Variants in DLG2 observed in about 807,000 individuals in gnomAD.
DLG2 encodes the protein disks large homolog 2.
DLG2 carries 45 observed loss-of-function variants against 132.5 expected under a neutral mutation model. The observed-to-expected ratio is 0.34, with a 90% CI of 0.27 to 0.44. DLG2 has a LOEUF of 0.44. Among genes scored for constraint, DLG2 ranks in the 20% least tolerant of loss-of-function variants. The pLI, the probability that DLG2 is intolerant of heterozygous loss-of-function variation, is 1.00. For synonymous variants in DLG2, 424 were observed against 419.6 expected, an observed-to-expected ratio of 1.01 and a Z score of -0.13; for missense variants, 1,045 against 1,196.9, an observed-to-expected ratio of 0.87 and a Z score of 1.87.
chr11:83,968,208 G>A lies in DLG2; in HGVS notation c.1057-2740C>T, dbSNP rs116225063. On this transcript the variant is annotated intron_variant, in intron 12 of 27. Transcript: ENST00000376104. ...ACCATACTTTGCAGCACTACTATTC[G>A]TAATCTTTATTATTTTGCTCCATGT... 8.2e-3 allele frequency among the ~76,000 whole-genome samples: 1,254 copies of A among 152,106 alleles called. 16 individuals are homozygous for A. Among genetic ancestry groups the A allele is most frequent in the African/African-American group, 0.029 (1,189 of 41,494 alleles).
chr11:83,471,787 T>C, intron 23 of DLG2, 60 bp from the exon 24 acceptor site: 1 of 1,381,988 alleles, frequency 7.2e-7, no homozygotes, highest in Non-Finnish European at 1.0e-6. Context: ...ACTGCAAAAC[T>C]GTCCTGCAAG....
intron 8 of DLG2, among the ~76,000 whole-genome samples, chr11:84,207,479 T>C (rs1189768315): frequency 6.6e-6 from 1 of 152,080 alleles, no homozygotes; most frequent in Non-Finnish European, 1.5e-5. Context: ...AGTCCAGATA[T>C]AGTACCATAA....
chr11:85,397,503 G>A (rs1453562126), intron 3 of DLG2, among the ~76,000 whole-genome samples: 2 of 152,130 alleles, frequency 1.3e-5, no homozygotes, highest in Admixed American at 6.6e-5. Flanking sequence ...AAAGAATCAA[G>A]CACCATTGGT....
At chr11:85,015,061 C>T (rs1415568677) in intron 6 of DLG2, among the ~76,000 whole-genome samples, 1 of 152,152 alleles carries the variant, frequency 6.6e-6, no homozygotes, top group Admixed American at 6.5e-5. Context: ...ATAATGGTGT[C>T]TCTTGTGTTC....
intron 7 of DLG2, among the ~76,000 whole-genome samples, chr11:84,432,932 G>A (rs1343128254): frequency 6.6e-6 from 1 of 152,132 alleles, no homozygotes; most frequent in Non-Finnish European, 1.5e-5. Context: ...GCTGAGACAC[G>A]AGAATTGCTT....
intron 18 of DLG2, chr11:83,647,356 CGTCCAT>C (rs2068543841): frequency 6.6e-6 from 1 of 152,088 alleles, no homozygotes; most frequent in Non-Finnish European, 1.5e-5. Context: ...CCCCCACCAT[CGTCCAT>C]GTCTGATGCC....
At chr11:84,163,644 A>G in intron 8 of DLG2, 133 bp from the exon 9 acceptor site, 2 of 701,582 alleles carry the variant, frequency 2.9e-6, no homozygotes, top group Non-Finnish European at 4.7e-6. Context: ...GATATTTCTG[A>G]TTGTGCATTT....
chr11:84,268,384 T>C (rs1279448298), intron 7 of DLG2, among the ~76,000 whole-genome samples: 1 of 152,140 alleles, frequency 6.6e-6, no homozygotes, highest in African/African-American at 2.4e-5. Context: ...TAACGCTCTC[T>C]GAGGTTGGAA....
At chr11:83,794,139 T>A (rs2042210938) in intron 17 of DLG2, among the ~76,000 whole-genome samples, 1 of 152,336 alleles carries the variant, frequency 6.6e-6, no homozygotes, top group East Asian at 1.9e-4. Flanking sequence ...ATCTTGTTCA[T>A]TTTAGGCCCA....
At chr11:85,060,944 A>G (rs530860121) in intron 6 of DLG2, among the ~76,000 whole-genome samples, 1 of 151,268 alleles carries the variant, frequency 6.6e-6, no homozygotes, top group South Asian at 2.1e-4. Context: ...ACAAGTGTGA[A>G]GTGATATCTC....
intron 14 of DLG2, among the ~76,000 whole-genome samples, chr11:83,954,396 A>G (rs1290293851): frequency 6.6e-6 from 1 of 152,160 alleles, no homozygotes; most frequent in Non-Finnish European, 1.5e-5. Context: ...GTTTATTTAC[A>G]TTAATAAAGA....
chr11:85,146,405 G>A (rs2076862491), intron 5 of DLG2, among the ~76,000 whole-genome samples: 1 of 152,052 alleles, frequency 6.6e-6, no homozygotes, highest in South Asian at 2.1e-4. Context: ...CTGGCTGCTA[G>A]TGATGTTTCT....
At chr11:84,749,582 G>T (rs2065836821) in intron 6 of DLG2, among the ~76,000 whole-genome samples, 1 of 152,100 alleles carries the variant, frequency 6.6e-6, no homozygotes, top group African/African-American at 2.4e-5. Context: ...TGTAGCCTAG[G>T]TATATTGCAG....
At chr11:84,761,396 G>T (rs1467414946) in intron 6 of DLG2, among the ~76,000 whole-genome samples, 1 of 152,102 alleles carries the variant, frequency 6.6e-6, no homozygotes, top group Non-Finnish European at 1.5e-5. Context: ...AACTTTATTG[G>T]ATTGAAGGAC....
intron 11 of DLG2, among the ~76,000 whole-genome samples, chr11:84,009,133 T>C (rs914529028): frequency 1.3e-5 from 2 of 151,964 alleles, no homozygotes; most frequent in Non-Finnish European, 2.9e-5. Context: ...CTTTTAACTA[T>C]GGTTTCTTAT....
chr11:84,245,500 T>C (rs1192221431), intron 8 of DLG2, among the ~76,000 whole-genome samples: 1 of 152,164 alleles, frequency 6.6e-6, no homozygotes, highest in Non-Finnish European at 1.5e-5. Context: ...CTTTTCTCTC[T>C]CCCTTACTTT....
intron 3 of DLG2, among the ~76,000 whole-genome samples, chr11:85,463,164 C>A (rs1050119967): frequency 6.6e-6 from 1 of 152,158 alleles, no homozygotes. Context: ...AATATATTCC[C>A]TAAGATGGGG....
chr11:83,786,863 C>T, intron 17 of DLG2, 71 bp from the exon 18 acceptor site: 1 of 1,366,546 alleles, frequency 7.3e-7, no homozygotes, highest in Non-Finnish European at 1.0e-6. Flanking sequence ...AAAAAAGTTT[C>T]CCAAAACCAG....
intron 6 of DLG2, among the ~76,000 whole-genome samples, chr11:84,851,466 A>C (rs960258739): frequency 6.6e-6 from 1 of 152,086 alleles, no homozygotes; most frequent in African/African-American, 2.4e-5. Flanking sequence ...ATTGGAGCCC[A>C]GGAGTTTTGT....
Sources: allele counts gnomAD v4.1 joint callset (sites outside exome capture counted in the v4.1 genomes callset), GRCh38; gene constraint gnomAD v4.1.1; transcripts MANE v1.5; gene names NCBI Gene and HGNC (gene_info 2026-07-23, HGNC 2026-07-21).